PDE1C: variants seen among roughly 807,000 people sequenced by gnomAD.
PDE1C encodes phosphodiesterase 1C, also known as dual specificity calcium/calmodulin-dependent 3',5'-cyclic nucleotide phosphodiesterase 1C.
Under a neutral mutation model 93.1 loss-of-function variants are expected in PDE1C, and 62 were observed. The ratio of observed to expected loss-of-function variants is 0.67; its 90% confidence interval spans 0.54 to 0.82. The LOEUF is 0.82. PDE1C is among the 40% of genes least tolerant of loss of function. The probability of loss-of-function intolerance (pLI) is 0.00; values close to 1 mark genes in which losing one functional copy is unlikely to be tolerated. For missense variants in PDE1C, 742 were observed against 884.6 expected (o/e 0.84, Z 2.04); for synonymous variants, 325 against 310.1 (o/e 1.05, Z -0.50).
At chr7:32,359,072 T>C (rs1249401926) in intron 1 of PDE1C, among the ~76,000 whole-genome samples, 2 of 152,172 alleles carry the variant, frequency 1.3e-5, no homozygotes, top group Non-Finnish European at 2.9e-5. Context: ...GCCCTTGATA[T>C]ATGATCAAAT....
intron 9 of PDE1C, among the ~76,000 whole-genome samples, chr7:31,841,971 T>C (rs1115732): frequency 6.6e-6 from 1 of 151,892 alleles, no homozygotes; most frequent in East Asian, 1.9e-4. Context: ...CTTTTTGTTC[T>C]AGTTAGGCCT....
At chr7:31,905,581 C>A (rs1419118661) in intron 2 of PDE1C, among the ~76,000 whole-genome samples, 1 of 152,002 alleles carries the variant, frequency 6.6e-6, no homozygotes, top group African/African-American at 2.4e-5. Flanking sequence ...CTTTTAAAGC[C>A]CCTGTGGTCA....
intron 3 of PDE1C, among the ~76,000 whole-genome samples, chr7:32,144,371 G>T (rs1347847509): frequency 6.6e-6 from 1 of 152,152 alleles, no homozygotes; most frequent in African/African-American, 2.4e-5. Flanking sequence ...TTTGTGGAAA[G>T]GCAGCACCAC....
intron 1 of PDE1C, among the ~76,000 whole-genome samples, chr7:32,240,639 T>A (rs1426212409): frequency 2.0e-5 from 3 of 152,032 alleles, no homozygotes. Flanking sequence ...CTAAAAAAGG[T>A]GAGGACTCTT....
chr7:32,350,586 A>ATTT (rs1203929860), intron 1 of PDE1C, among the ~76,000 whole-genome samples: 1 of 382 alleles, frequency 2.6e-3, no homozygotes, highest in African/African-American at 3.2e-3. Flanking sequence ...ATATATATAT[A>ATTT]TATATTTTTT....
At chr7:31,894,424 T>G (rs1421537266) in intron 2 of PDE1C, among the ~76,000 whole-genome samples, 1 of 152,210 alleles carries the variant, frequency 6.6e-6, no homozygotes, top group Non-Finnish European at 1.5e-5. Context: ...AGCCCTAGTG[T>G]AAATAGAACA....
intron 1 of PDE1C, among the ~76,000 whole-genome samples, chr7:32,378,057 C>G (rs1038773057): frequency 1.3e-5 from 2 of 152,168 alleles, no homozygotes; most frequent in Non-Finnish European, 2.9e-5. Flanking sequence ...GTGGTCCAGA[C>G]GAGGACTGAA....
At chr7:32,022,615 C>A (rs542574453) in intron 2 of PDE1C, among the ~76,000 whole-genome samples, 1 of 152,120 alleles carries the variant, frequency 6.6e-6, no homozygotes, top group South Asian at 2.1e-4. Context: ...TTCAGAATAT[C>A]ATTTGAATGA....
intron 2 of PDE1C, among the ~76,000 whole-genome samples, chr7:32,036,012 G>C (rs542416797): frequency 6.6e-4 from 101 of 152,304 alleles, no homozygotes; most frequent in African/African-American, 2.3e-3. Flanking sequence ...GGCAAGCTCA[G>C]AGAAAATTCA....
intron 2 of PDE1C, among the ~76,000 whole-genome samples, chr7:31,924,622 G>A (rs1306912912): frequency 6.6e-6 from 1 of 152,136 alleles, no homozygotes; most frequent in Non-Finnish European, 1.5e-5. Context: ...TCCAGCAGCT[G>A]CTCCTTCCTT....
intron 2 of PDE1C, among the ~76,000 whole-genome samples, chr7:31,887,676 T>G (rs923113075): frequency 2.0e-5 from 3 of 152,194 alleles, no homozygotes; most frequent in African/African-American, 7.2e-5. Flanking sequence ...CATGTAATAG[T>G]AATCAAAACT....
chr7:32,115,315 G>A (rs565580313), intron 3 of PDE1C, among the ~76,000 whole-genome samples: 2 of 152,226 alleles, frequency 1.3e-5, no homozygotes, highest in Non-Finnish European at 2.9e-5. Context: ...TATGTTCTTC[G>A]CAGGGACATG....
chr7:32,156,059 C>A (rs62456294), intron 3 of PDE1C, among the ~76,000 whole-genome samples: 24,701 of 152,202 alleles, frequency 0.16, 2,473 homozygotes, highest in Middle Eastern at 0.24. Flanking sequence ...CTCTACTCTG[C>A]AATTTCCTAT....
intron 1 of PDE1C, among the ~76,000 whole-genome samples, chr7:32,061,418 G>A (rs1794782959): frequency 6.6e-6 from 1 of 152,244 alleles, no homozygotes; most frequent in Non-Finnish European, 1.5e-5. Flanking sequence ...CAGGAGACAA[G>A]GCCCAGCCAT....
At position 31,751,421 on chromosome 7, in the gene PDE1C, CATTAA is replaced by C. The variant is rs1794134032; in HGVS notation, c.*1958_*1962del. 1 of 152,162 alleles carries C rather than the reference CATTAA, an allele frequency of 6.6e-6. No homozygotes were observed. Among genetic ancestry groups the C allele is most frequent in the South Asian group, 2.1e-4 (1 of 4,822 alleles). The allele number at this position is 152,162 out of a possible 1,614,324, so 9.4% of individuals were successfully genotyped here. ...AAGCACAGCCAAGAAAACACAGCCT[CATTAA>C]ATTCTCAATACCTAAGATGGAAGGT... On this transcript the variant is annotated 3_prime_UTR_variant, in exon 18 of 18. Coordinates refer to ENST00000396191, the MANE Select transcript of PDE1C (RefSeq NM_001191057.4).
At chr7:32,298,867 C>G (rs1812799054) in exon 1 of PDE1C, 10 of 1,377,200 alleles carry the variant, frequency 7.3e-6, no homozygotes, top group Non-Finnish European at 9.3e-6. Flanking sequence ...CTCTCAGCCC[C>G]GCCGCGCGCT....
At chr7:31,918,073 T>C (rs1802155245) in intron 2 of PDE1C, among the ~76,000 whole-genome samples, 3 of 152,158 alleles carry the variant, frequency 2.0e-5, no homozygotes, top group Admixed American at 6.6e-5. Flanking sequence ...GTCTCCTTAA[T>C]TAGAATGTAA....
rs3078631 is a variant in PDE1C at position 31,996,066 on chromosome 7, GACACACACACACACACACACAC to G, written c.128+55466_128+55487del. Among the ~76,000 whole-genome samples the G allele has an allele frequency of 4.3e-5, 6 of 138,558 alleles. No individual in the cohort carries two copies. The South Asian group carries it at 1.0e-3, about 23-fold the overall frequency. 90.9% of individuals were successfully genotyped at this position (138,558 alleles called of 152,430 possible). ...AACCATCTGTCTCTTTACGCTTCCG[GACACACACACACACACACACAC>G]ACACACACACACACACACTTCCATG... On this transcript the variant is annotated intron_variant, in intron 2 of 17. Transcript: ENST00000396191.
intron 1 of PDE1C, among the ~76,000 whole-genome samples, chr7:32,067,875 T>C (rs985611276): frequency 1.3e-5 from 2 of 152,236 alleles, no homozygotes; most frequent in Admixed American, 6.5e-5. Flanking sequence ...ATTGAGCATC[T>C]ACTATGTGCT....
Sources: gnomAD v4.1 joint callset for allele counts (sites outside exome capture counted in the v4.1 genomes callset) on GRCh38, gnomAD v4.1.1 for gene constraint, MANE v1.5 for transcripts, NCBI Gene and HGNC (gene_info 2026-07-23, HGNC 2026-07-21) for gene names.